ANXA10: variants seen among roughly 807,000 people sequenced by gnomAD.
The protein encoded by ANXA10 is annexin 14.
A neutral mutation model predicts 53.5 loss-of-function variants in ANXA10; 49 were observed. The ratio of observed to expected loss-of-function variants is 0.92; its 90% confidence interval spans 0.73 to 1.16. ANXA10 has a LOEUF of 1.16. ANXA10 is among the 50% of genes most tolerant of loss of function. ANXA10 has a pLI of 0.00. For synonymous variants in ANXA10, 131 were observed against 128.9 expected (o/e 1.02, Z -0.11); for missense variants, 393 against 394.4 (o/e 1.00, Z 0.03).
chr4:168,187,497 TCA>T lies in ANXA10; in HGVS notation c.*66_*67del. On this transcript the variant is annotated 3_prime_UTR_variant, in exon 12 of 12. Coordinates refer to ENST00000359299, the MANE Select transcript of ANXA10 (RefSeq NM_007193.5). ...TAGACACTTCCAAATAGAGATTTTC[TCA>T]CAAATTTGTACTGTTCATGGCACTA... The T allele has an allele frequency of 8.6e-7, 1 of 1,160,044 alleles. No individual in the cohort carries two copies. The highest frequency in any genetic ancestry group is 1.8e-5 in the South Asian group (1 of 56,424). 71.9% of individuals were successfully genotyped at this position (1,160,044 alleles called of 1,614,324 possible).
intron 4 of ANXA10, among the ~76,000 whole-genome samples, chr4:168,163,442 C>T (rs1731819321): frequency 6.6e-6 from 1 of 152,192 alleles, no homozygotes; most frequent in South Asian, 2.1e-4. Flanking sequence ...ATCACATTTA[C>T]TGATCCAAAT....
At chr4:168,097,411 C>T (rs755795062) in intron 1 of ANXA10, among the ~76,000 whole-genome samples, 1 of 151,990 alleles carries the variant, frequency 6.6e-6, no homozygotes, top group African/African-American at 2.4e-5. Flanking sequence ...CTTCTCCTTC[C>T]TCCTTATAGC....
At chr4:168,153,127 G>C (rs554368197) in intron 3 of ANXA10, among the ~76,000 whole-genome samples, 2 of 152,200 alleles carry the variant, frequency 1.3e-5, no homozygotes, top group East Asian at 3.9e-4. Flanking sequence ...GCACCACTGT[G>C]CCCAGCCAGA....
In ANXA10 at chr4:168,096,164, G is replaced by A. The variant is rs183968454; in HGVS notation, c.18+3446G>A. 6.7e-4 allele frequency among the ~76,000 whole-genome samples: 102 copies of A among 152,272 alleles called. 1 individual carries two copies. Among genetic ancestry groups the A allele is most frequent in the African/African-American group, 2.1e-3 (86 of 41,562 alleles). ...TGACAAGACATCTCATGGGAGGAGA[G>A]GCTGTTGATAAGGCAAGATTATTTT... is the stretch of plus-strand genomic sequence containing the variant. On this transcript the variant is annotated intron_variant, in intron 1 of 11. Transcript: ENST00000359299.
At chr4:168,167,203 G>A (rs901503425) in intron 6 of ANXA10, among the ~76,000 whole-genome samples, 1 of 152,104 alleles carries the variant, frequency 6.6e-6, no homozygotes, top group Non-Finnish European at 1.5e-5. Context: ...GAGGTGCTAT[G>A]GAGAACAGAC....
At chr4:168,115,035 T>C (rs1356895693) in intron 1 of ANXA10, among the ~76,000 whole-genome samples, 4 of 151,974 alleles carry the variant, frequency 2.6e-5, no homozygotes, top group African/African-American at 9.7e-5. Context: ...CACAAGCATA[T>C]ACCACCATGC....
intron 3 of ANXA10, among the ~76,000 whole-genome samples, chr4:168,148,315 C>T (rs1731437774): frequency 6.6e-6 from 1 of 151,932 alleles, no homozygotes; most frequent in African/African-American, 2.4e-5. Context: ...TACAGGTGCC[C>T]ACCACCACGC....
At chr4:168,181,390 CAA>C (rs556987548) in intron 9 of ANXA10, among the ~76,000 whole-genome samples, 9 of 93,398 alleles carry the variant, frequency 9.6e-5, no homozygotes, top group South Asian at 9.1e-4. Context: ...GACTCCGTCT[CAA>C]AAAAAAAAAA....
rs1331525300 is a variant in ANXA10, at chr4:168,152,215, A to G, written c.196-10313A>G. On this transcript the variant is annotated intron_variant, in intron 3 of 11. Coordinates refer to ENST00000359299, the MANE Select transcript of ANXA10 (RefSeq NM_007193.5). ...GTGTGGGGAGATGGGGTGTAATTTT[A>G]AACAGGATAAACAGGGCAGGCTTCA... 5.3e-5 allele frequency among the ~76,000 whole-genome samples: 8 copies of G among 152,154 alleles called. No homozygotes were observed. The East Asian group carries it at 1.5e-3, about 29-fold the overall frequency.
At chr4:168,159,301 T>C (rs916015866) in intron 3 of ANXA10, among the ~76,000 whole-genome samples, 2 of 152,222 alleles carry the variant, frequency 1.3e-5, no homozygotes, top group African/African-American at 4.8e-5. Flanking sequence ...TTTATAAATA[T>C]TTGAATACAC....
chr4:168,135,710 GCATGACAGGTTCA>G (rs1313855104), intron 2 of ANXA10, among the ~76,000 whole-genome samples: 1 of 152,130 alleles, frequency 6.6e-6, no homozygotes, highest in Non-Finnish European at 1.5e-5. Context: ...TCCATGAAAA[GCATGACAGGTTCA>G]CTCTATCCCT....
At chr4:168,157,343 CTGCAACCTCCGCCACCCAGGT>C (rs770466132) in intron 3 of ANXA10, among the ~76,000 whole-genome samples, 4 of 152,216 alleles carry the variant, frequency 2.6e-5, no homozygotes, top group Admixed American at 6.5e-5. Context: ...TCTCGGCTCA[CTGCAACCTCCGCCACCCAGGT>C]TCCAGTGATC....
At chr4:168,098,829 C>T (rs1024560981) in intron 1 of ANXA10, among the ~76,000 whole-genome samples, 9 of 151,778 alleles carry the variant, frequency 5.9e-5, no homozygotes, top group Non-Finnish European at 1.2e-4. Flanking sequence ...GTATCATGTA[C>T]AAAACATAAA....
At chr4:168,140,290 A>AT (rs1282406266) in intron 3 of ANXA10, among the ~76,000 whole-genome samples, 5 of 152,322 alleles carry the variant, frequency 3.3e-5, no homozygotes, top group Admixed American at 3.3e-4. Context: ...AAACATTATC[A>AT]TAAAACTTTC....
intron 2 of ANXA10, among the ~76,000 whole-genome samples, chr4:168,131,411 G>C (rs1221529798): frequency 1.3e-5 from 2 of 151,936 alleles, no homozygotes; most frequent in African/African-American, 4.8e-5. Flanking sequence ...TTTGGTTAAT[G>C]CTCCATGTAA....
At chr4:168,104,894 T>G (rs1296078826) in intron 1 of ANXA10, among the ~76,000 whole-genome samples, 2 of 151,856 alleles carry the variant, frequency 1.3e-5, no homozygotes, top group Non-Finnish European at 1.5e-5. Flanking sequence ...TTCTATTATT[T>G]CTCTAATTTC....
rs189718521 is a variant in ANXA10 at position 168,113,532 on chromosome 4, C to T, written c.19-14552C>T. Among the ~76,000 whole-genome samples, 12 of 152,368 alleles carry T rather than the reference C, an allele frequency of 7.9e-5. No individual in the cohort carries two copies. In the East Asian group the frequency reaches 2.3e-3, roughly 29 times the overall value. ...TTGTGTCCTCTCTAAAGGAAAAGTG[C>T]TGTGTTCTCAAGTAACAGAAGGTGG... On this transcript the variant is annotated intron_variant, in intron 1 of 11. Transcript: ENST00000359299.
intron 6 of ANXA10, among the ~76,000 whole-genome samples, chr4:168,170,357 T>C (rs780806496): frequency 2.6e-5 from 4 of 152,206 alleles, no homozygotes; most frequent in Non-Finnish European, 5.9e-5. Context: ...ATAGTTCAGA[T>C]TTTTATTGCT....
chr4:168,134,219 C>G (rs569415440), intron 2 of ANXA10, among the ~76,000 whole-genome samples: 8 of 151,990 alleles, frequency 5.3e-5, no homozygotes, highest in Non-Finnish European at 8.8e-5. Context: ...TAGCAAAAAG[C>G]TCCACAAATC....
Sources: allele counts gnomAD v4.1 joint callset (sites outside exome capture counted in the v4.1 genomes callset), GRCh38; gene constraint gnomAD v4.1.1; transcripts MANE v1.5; gene names NCBI Gene and HGNC (gene_info 2026-07-23, HGNC 2026-07-21).